SLC4A7: variants seen among roughly 807,000 people sequenced by gnomAD.
SLC4A7 encodes the protein solute carrier family 4 member 7.
A neutral mutation model predicts 137.6 loss-of-function variants in SLC4A7; 51 were observed. That is an observed-to-expected ratio of 0.37 (90% CI 0.30 to 0.47). SLC4A7 has a LOEUF of 0.47. Among genes scored for constraint, SLC4A7 ranks in the 20% least tolerant of loss-of-function variants. The pLI is 1.00. For missense variants in SLC4A7, 1,247 were observed against 1,525.4 expected, an observed-to-expected ratio of 0.82 and a Z score of 3.04; for synonymous variants, 542 against 518.6, an observed-to-expected ratio of 1.05 and a Z score of -0.61.
intron 7 of SLC4A7, among the ~76,000 whole-genome samples, chr3:27,429,768 T>C (rs533684816): frequency 1.3e-5 from 2 of 152,048 alleles, no homozygotes; most frequent in Admixed American, 1.3e-4. Context: ...GAGAATCACT[T>C]GAACCCAGGA....
chr3:27,463,155 C>T (rs1182346959), intron 1 of SLC4A7, among the ~76,000 whole-genome samples: 1 of 152,120 alleles, frequency 6.6e-6, no homozygotes, highest in African/African-American at 2.4e-5. Flanking sequence ...GGGCCGGGCG[C>T]GGTGGCTCAC....
At chr3:27,456,812 T>C (rs1045169563) in intron 1 of SLC4A7, 4 of 1,457,882 alleles carry the variant, frequency 2.7e-6, no homozygotes, top group African/African-American at 2.8e-5. Flanking sequence ...AAGTTACTTT[T>C]ATGGTACAGC....
chr3:27,432,736 ACAGT>A (rs2056413765), intron 6 of SLC4A7, among the ~76,000 whole-genome samples: 1 of 152,220 alleles, frequency 6.6e-6, no homozygotes. Context: ...TTAAAAGAAA[ACAGT>A]CAATGTCTTC....
intron 3 of SLC4A7, among the ~76,000 whole-genome samples, chr3:27,442,725 T>C (rs1186319003): frequency 6.6e-6 from 1 of 152,142 alleles, no homozygotes; most frequent in Non-Finnish European, 1.5e-5. Flanking sequence ...AGGGAAAGAT[T>C]AGGCACGCGG....
chr3:27,387,130 G>T (rs9867209), intron 22 of SLC4A7, among the ~76,000 whole-genome samples: 6,027 of 152,132 alleles, frequency 0.04, 139 homozygotes, highest in East Asian at 0.067. Flanking sequence ...TAAATATTTG[G>T]TTATTAAAAC....
chr3:27,395,547 A>G (rs909964172), intron 18 of SLC4A7, among the ~76,000 whole-genome samples: 44 of 152,140 alleles, frequency 2.9e-4, no homozygotes, highest in African/African-American at 1.0e-3. Context: ...TATCCTCAAT[A>G]TAGTCTATAT....
chr3:27,430,328 A>G (rs555087958), intron 7 of SLC4A7, among the ~76,000 whole-genome samples: 1 of 151,930 alleles, frequency 6.6e-6, no homozygotes, highest in African/African-American at 2.4e-5. Context: ...CACAAAACCA[A>G]GCTACCAAGG....
chr3:27,426,353 G>A (rs986113570), intron 7 of SLC4A7, among the ~76,000 whole-genome samples: 11 of 152,138 alleles, frequency 7.2e-5, no homozygotes, highest in Non-Finnish European at 1.5e-5. Context: ...TAAACTTCCA[G>A]AAGAGTCCCT....
At chr3:27,388,437 T>G (rs555386921) in intron 22 of SLC4A7, among the ~76,000 whole-genome samples, 8 of 152,212 alleles carry the variant, frequency 5.3e-5, no homozygotes, top group Non-Finnish European at 5.9e-5. Flanking sequence ...TGTAATTATC[T>G]GTTCTTTAAA....
At chr3:27,397,212 C>T (rs1436657531) in intron 18 of SLC4A7, among the ~76,000 whole-genome samples, 3 of 151,992 alleles carry the variant, frequency 2.0e-5, no homozygotes, top group Admixed American at 1.3e-4. Flanking sequence ...ATTTTTAGTA[C>T]ACCATGTTGG....
intron 6 of SLC4A7, chr3:27,433,313 T>C (rs1210003330): frequency 6.6e-6 from 1 of 152,432 alleles, no homozygotes; most frequent in Non-Finnish European, 1.5e-5. Context: ...ACCCTACTGA[T>C]GCATTCCTCT....
In SLC4A7 at chr3:27,374,849, T is replaced by G. The variant is rs1034598341; in HGVS notation, c.*1915A>C. The G allele has an allele frequency of 2.6e-5, 4 of 152,430 alleles. No individual in the cohort carries two copies. The highest frequency in any genetic ancestry group is 2.6e-4 in the Admixed American group (4 of 15,258). The allele number at this position is 152,430 out of a possible 1,614,324, so 9.4% of individuals were successfully genotyped here. On this transcript the variant is annotated 3_prime_UTR_variant, in exon 26 of 26. Transcript: ENST00000454389. ...AGGTACATCAGGGGAGTTTTAAAAA[T>G]AGCAGCAAATACTGGGGTCTTTGGA...
chr3:27,443,865 G>C (rs1025721558), intron 3 of SLC4A7, among the ~76,000 whole-genome samples: 1 of 152,062 alleles, frequency 6.6e-6, no homozygotes, highest in African/African-American at 2.4e-5. Context: ...CATGATTATT[G>C]AGAAGTATTT....
intron 23 of SLC4A7, among the ~76,000 whole-genome samples, chr3:27,385,385 C>T (rs923533975): frequency 6.6e-5 from 10 of 152,022 alleles, no homozygotes; most frequent in African/African-American, 2.4e-4. Flanking sequence ...CATATAAAGA[C>T]TAAAACTTTA....
In SLC4A7 at chr3:27,460,208, A is replaced by G. The variant is rs536462281; in HGVS notation, c.61-7710T>C. On this transcript the variant is annotated intron_variant, in intron 1 of 25. Transcript: ENST00000454389. ...ACCACTACGCTCAGCTAATTTTTAT[A>G]TTTTAAGTAGAGACCAGGTTTCTCC... 2.0e-5 allele frequency among the ~76,000 whole-genome samples: 3 copies of G among 151,854 alleles called. No homozygotes were observed. In the South Asian group the frequency reaches 6.2e-4, roughly 32 times the overall value.
At chr3:27,450,470 A>T (rs1430699844) in intron 2 of SLC4A7, among the ~76,000 whole-genome samples, 4 of 152,238 alleles carry the variant, frequency 2.6e-5, no homozygotes, top group South Asian at 4.1e-4. Context: ...AAATAAATAT[A>T]AAAAAACTCA....
intron 3 of SLC4A7, among the ~76,000 whole-genome samples, chr3:27,443,097 T>A (rs1242648485): frequency 1.4e-5 from 2 of 143,536 alleles, no homozygotes; most frequent in African/African-American, 2.6e-5. Flanking sequence ...AGTGGTGAGA[T>A]CTCAGCTCAC....
Position 27,403,337 on chromosome 3 carries a change from C to A in SLC4A7, c.2123G>T (p.Trp708Leu). 2 of 1,611,514 alleles carry A rather than the reference C, an allele frequency of 1.2e-6. No individual in the cohort carries two copies. The highest frequency in any genetic ancestry group is 1.1e-5 in the South Asian group (1 of 90,928). The change falls in exon 15 of 26, where the codon TGG becomes TTG. Residue 708 changes from tryptophan (W) to leucine (L), a missense_variant. Physicochemically the swap from Trp to Leu is moderately conservative, Grantham distance 61 (BLOSUM62 -2). Around this residue, in one of 6 missense-constraint regions of SLC4A7, gnomAD observed 499 missense variants for 664.2 expected, o/e 0.75. Coordinates refer to ENST00000454389, the MANE Select transcript of SLC4A7 (RefSeq NM_001321103.2). ...YLSLRTSIGL[W>L]TSFLCIVLVA... is the part of the protein sequence containing the mutation. Reference sequence around the variant, plus strand: ...CAAAACAATGCACAAAAAAGAAGTCCACAGACCAATACTGGTTCTTAAAGA... The same window carrying A: ...CAAAACAATGCACAAAAAAGAAGTCAACAGACCAATACTGGTTCTTAAAGA...
rs746873840 is a variant in SLC4A7, at chr3:27,394,659, A to G, written c.2976T>C (p.His992=). 3 of 1,614,200 alleles carry G rather than the reference A, an allele frequency of 1.9e-6. No homozygotes were observed. Among genetic ancestry groups the G allele is most frequent in the East Asian group, 2.2e-5 (1 of 44,876 alleles). ...FVAATVLSIS[H]VNSLKVESEC... ...CAGATTCAACTTTTAAGCTGTTGAC[A>G]TGACTTATTGACAACACTGTTGCAG... Residue 992 remains histidine, a synonymous_variant, in exon 20 of 26, where the codon CAT becomes CAC. Transcript: ENST00000454389.
Sources: gnomAD v4.1 joint callset for allele counts (sites outside exome capture counted in the v4.1 genomes callset) on GRCh38, gnomAD v4.1.1 for gene constraint, gnomAD v4.1.1 regional missense constraint, MANE v1.5 for transcripts, NCBI Gene and HGNC (gene_info 2026-07-23, HGNC 2026-07-21) for gene names.